GALNTL6: variants seen among roughly 807,000 people sequenced by gnomAD.
GALNTL6 encodes the protein polypeptide N-acetylgalactosaminyltransferase-like 6.
Under a neutral mutation model 73.7 loss-of-function variants are expected in GALNTL6, and 46 were observed. The ratio of observed to expected loss-of-function variants is 0.62; its 90% CI spans 0.49 to 0.80. The LOEUF (loss-of-function observed/expected upper bound fraction) is 0.80, where lower values mean the gene tolerates loss of function less well. GALNTL6 is among the 30% of genes least tolerant of loss of function. The probability of loss-of-function intolerance (pLI) is 0.00; values close to 1 mark genes in which losing one functional copy is unlikely to be tolerated. For missense variants in GALNTL6, 604 were observed against 755.0 expected, an observed-to-expected ratio of 0.80 and a Z score of 2.34; for synonymous variants, 259 against 263.7, an observed-to-expected ratio of 0.98 and a Z score of 0.17.
intron 2 of GALNTL6, among the ~76,000 whole-genome samples, chr4:171,852,633 C>T (rs1209313790): frequency 2.0e-5 from 3 of 151,904 alleles, no homozygotes; most frequent in East Asian, 1.9e-4. Flanking sequence ...ATTCTTTGTA[C>T]GATAGCTTCA....
rs35277058 is a variant in GALNTL6, at chr4:172,221,557, T to TTGTG, written c.139-8085_139-8082dup. On this transcript the variant is annotated intron_variant, in intron 2 of 12. Transcript: ENST00000506823. The stretch of plus-strand genomic sequence containing the variant: ...CCACATTCACACTAATTTGTGGAGT[T>TTGTG]TGTGTGTGTGTGTGTGTTTCTTCAC... Among the ~76,000 whole-genome samples, 714 of 150,614 alleles carry TTGTG rather than the reference T, an allele frequency of 4.7e-3. 8 individuals carry two copies. The highest frequency in any genetic ancestry group is 0.016 in the African/African-American group (642 of 41,202).
At chr4:172,468,373 C>T (rs1287413229) in intron 5 of GALNTL6, among the ~76,000 whole-genome samples, 1 of 152,092 alleles carries the variant, frequency 6.6e-6, no homozygotes, top group East Asian at 1.9e-4. Flanking sequence ...CTATATTTTG[C>T]TTAAGACTAT....
chr4:172,176,174 C>G (rs1211632475), intron 2 of GALNTL6, among the ~76,000 whole-genome samples: 1 of 150,820 alleles, frequency 6.6e-6, no homozygotes, highest in Admixed American at 6.6e-5. Flanking sequence ...CCCATCTCTA[C>G]TAAAAAATAC....
rs116652686 is a variant in GALNTL6 at position 173,009,379 on chromosome 4, C to T, written c.1488+85C>T. Reference sequence around the variant, plus strand: ...GAGGGATGCAGCTGGAACAAATCTCCGAATGGTGCAGATGGTACTTGTGGG... The same window carrying T: ...GAGGGATGCAGCTGGAACAAATCTCTGAATGGTGCAGATGGTACTTGTGGG... On this transcript the variant is annotated intron_variant, in intron 11 of 12. Coordinates refer to ENST00000506823, the MANE Select transcript of GALNTL6 (RefSeq NM_001034845.3). The T allele has an allele frequency of 4.1e-5, 35 of 844,776 alleles. 1 individual carries two copies. Among genetic ancestry groups the T allele is most frequent in the African/African-American group, 1.7e-4 (10 of 60,376 alleles). The allele number at this position is 844,776 out of a possible 1,614,324, so 52.3% of individuals were successfully genotyped here. A position where few individuals can be genotyped will look rare whatever the true frequency, so the allele number is the denominator to read the frequency against.
intron 5 of GALNTL6, among the ~76,000 whole-genome samples, chr4:172,577,404 T>G (rs1257039827): frequency 6.6e-6 from 1 of 152,210 alleles, no homozygotes; most frequent in African/African-American, 2.4e-5. Context: ...CCAACCTGTT[T>G]TATACAAATT....
intron 5 of GALNTL6, among the ~76,000 whole-genome samples, chr4:172,537,372 T>A (rs1735382099): frequency 6.6e-6 from 1 of 152,190 alleles, no homozygotes; most frequent in South Asian, 2.1e-4. Flanking sequence ...TCCATGCTGT[T>A]CTCATGATAG....
rs188825287 is a variant in GALNTL6 at position 173,014,312 on chromosome 4, G to A, written c.1488+5018G>A. 1.3e-3 allele frequency among the ~76,000 whole-genome samples: 200 copies of A among 152,344 alleles called. 1 individual carries two copies. Among genetic ancestry groups the A allele is most frequent in the African/African-American group, 4.6e-3 (190 of 41,576 alleles). On this transcript the variant is annotated intron_variant, in intron 11 of 12. Transcript: ENST00000506823. ...AAATAGATCCTAATAAGACTATAAG[G>A]TCTGGAAAGAACATTCCCCAGCTCC... is the stretch of plus-strand genomic sequence containing the variant.
In GALNTL6 at chr4:172,251,284, C is replaced by A. The variant is rs917715341; in HGVS notation, c.247+21520C>A. Among the ~76,000 whole-genome samples the A allele has an allele frequency of 2.0e-5, 3 of 152,136 alleles. No individual in the cohort carries two copies. The East Asian group carries it at 5.8e-4, about 29-fold the overall frequency. ...CTTCGACTGCTTAAATAAAGCCCAC[C>A]CACATTAAAGCAGGTGGGGAGTAAT... On this transcript the variant is annotated intron_variant, in intron 3 of 12. Transcript: ENST00000506823.
intron 3 of GALNTL6, among the ~76,000 whole-genome samples, chr4:172,247,590 T>C (rs1264509043): frequency 1.3e-5 from 2 of 152,148 alleles, no homozygotes; most frequent in Non-Finnish European, 2.9e-5. Flanking sequence ...TTGCTTTCTC[T>C]AATCCACTAG....
At chr4:172,990,111 A>G (rs964164044) in intron 10 of GALNTL6, among the ~76,000 whole-genome samples, 5 of 152,200 alleles carry the variant, frequency 3.3e-5, no homozygotes, top group African/African-American at 1.2e-4. Context: ...TCTATAAGTC[A>G]ACTTTGATTC....
chr4:172,004,088 T>G (rs1307969855), intron 2 of GALNTL6, among the ~76,000 whole-genome samples: 1 of 152,130 alleles, frequency 6.6e-6, no homozygotes, highest in Non-Finnish European at 1.5e-5. Flanking sequence ...CCTAGTAATA[T>G]TCATAAGTGG....
chr4:172,633,236 G>T (rs1739492188), intron 5 of GALNTL6, among the ~76,000 whole-genome samples: 1 of 152,164 alleles, frequency 6.6e-6, no homozygotes, highest in Admixed American at 6.5e-5. Context: ...CAGTGCACCT[G>T]GAAAAGCCAC....
At chr4:172,700,088 T>G (rs1259456146) in intron 5 of GALNTL6, among the ~76,000 whole-genome samples, 2 of 152,146 alleles carry the variant, frequency 1.3e-5, no homozygotes, top group South Asian at 2.1e-4. Context: ...GTAAGCAGTT[T>G]TAAAAAAACT....
At chr4:172,968,228 G>A (rs1375746870) in intron 10 of GALNTL6, among the ~76,000 whole-genome samples, 2 of 152,094 alleles carry the variant, frequency 1.3e-5, no homozygotes, top group Non-Finnish European at 1.5e-5. Flanking sequence ...AAGAAAAAGG[G>A]GAGTACTGCT....
intron 5 of GALNTL6, among the ~76,000 whole-genome samples, chr4:172,712,072 A>T (rs1734740285): frequency 6.6e-6 from 1 of 152,124 alleles, no homozygotes; most frequent in African/African-American, 2.4e-5. Flanking sequence ...ATATTTTTCC[A>T]TGTAGATTTC....
intron 5 of GALNTL6, among the ~76,000 whole-genome samples, chr4:172,356,198 C>T (rs989965352): frequency 6.6e-6 from 1 of 152,050 alleles, no homozygotes; most frequent in African/African-American, 2.4e-5. Flanking sequence ...AGATTAAATC[C>T]CATTTATTTT....
intron 3 of GALNTL6, among the ~76,000 whole-genome samples, chr4:172,283,157 T>G (rs1314019707): frequency 6.6e-6 from 1 of 152,210 alleles, no homozygotes; most frequent in Admixed American, 6.5e-5. Flanking sequence ...ATTTCATTTC[T>G]TCACACTTCT....
At chr4:172,987,951 C>T (rs960829356) in intron 10 of GALNTL6, among the ~76,000 whole-genome samples, 3 of 152,164 alleles carry the variant, frequency 2.0e-5, no homozygotes, top group Non-Finnish European at 4.4e-5. Context: ...ATAAATTACC[C>T]AGTTTCAGGT....
At position 172,772,169 on chromosome 4, in the gene GALNTL6, G is replaced by A. The variant is rs116142640; in HGVS notation, c.554-37192G>A. Among the ~76,000 whole-genome samples the A allele has an allele frequency of 7.1e-3, 1,079 of 152,306 alleles. 5 individuals carry two copies. The highest frequency in any genetic ancestry group is 0.022 in the African/African-American group (906 of 41,562). ...GAGCATGGGAAAGACCTACTCCCAC[G>A]ATTCAATTGCCTCCCATCGGGTCCC... On this transcript the variant is annotated intron_variant, in intron 5 of 12. Coordinates refer to ENST00000506823, the MANE Select transcript of GALNTL6 (RefSeq NM_001034845.3).
Sources: gnomAD v4.1 joint callset for allele counts (sites outside exome capture counted in the v4.1 genomes callset) on GRCh38, gnomAD v4.1.1 for gene constraint, MANE v1.5 for transcripts, NCBI Gene and HGNC (gene_info 2026-07-23, HGNC 2026-07-21) for gene names.